The following PTPRQ variants were observed in gnomAD, a reference collection of about 807,000 sequenced individuals.
PTPRQ encodes the protein phosphatidylinositol phosphatase PTPRQ.
PTPRQ carries 199 observed loss-of-function variants against 246.0 expected under a neutral mutation model. The ratio of observed to expected loss-of-function variants is 0.81; its 90% CI spans 0.72 to 0.91. PTPRQ has a LOEUF of 0.91. Ranked by LOEUF, PTPRQ falls within the 40% of genes least tolerant of loss-of-function variation. The probability of loss-of-function intolerance (pLI) is 0.00; values close to 1 mark genes in which losing one functional copy is unlikely to be tolerated. For synonymous variants in PTPRQ, 869 were observed against 853.2 expected (o/e 1.02, Z -0.32); for missense variants, 2,624 against 2,528.4 (o/e 1.04, Z -0.81).
intron 25 of PTPRQ, among the ~76,000 whole-genome samples, chr12:80,557,808 A>C (rs566771584): frequency 3.9e-5 from 6 of 152,246 alleles, no homozygotes; most frequent in South Asian, 2.1e-4. Flanking sequence ...AAACCTTTCC[A>C]TCAGAATAAT....
intron 37 of PTPRQ, among the ~76,000 whole-genome samples, chr12:80,652,055 T>C (rs1900275871): frequency 6.6e-6 from 1 of 152,134 alleles, no homozygotes; most frequent in African/African-American, 2.4e-5. Context: ...AATGGAAAAC[T>C]ATAAATTTCA....
intron 25 of PTPRQ, among the ~76,000 whole-genome samples, chr12:80,579,723 G>A (rs1346606282): frequency 6.6e-6 from 1 of 151,960 alleles, no homozygotes; most frequent in African/African-American, 2.4e-5. Flanking sequence ...TTCCATTTTT[G>A]TATTGATCCA....
At chr12:80,508,489 G>A (rs1443027428) in intron 16 of PTPRQ, among the ~76,000 whole-genome samples, 1 of 151,776 alleles carries the variant, frequency 6.6e-6, no homozygotes, top group Non-Finnish European at 1.5e-5. Flanking sequence ...AAAGAGGGAG[G>A]GTGAGAAATA....
chr12:80,445,773 T>C (rs1190333843), intron 3 of PTPRQ, 56 bp downstream of exon 3: 1 of 1,255,270 alleles, frequency 8.0e-7, no homozygotes, highest in Non-Finnish European at 1.1e-6. Context: ...ATTTTAAAAG[T>C]GTGGGAGGTT....
intron 33 of PTPRQ, among the ~76,000 whole-genome samples, chr12:80,622,428 G>A (rs1200149853): frequency 6.6e-6 from 1 of 151,922 alleles, no homozygotes; most frequent in Non-Finnish European, 1.5e-5. Context: ...AAAGTCTGGA[G>A]CCATTTTTGG....
At chr12:80,473,919 G>C (rs577297887) in intron 8 of PTPRQ, among the ~76,000 whole-genome samples, 16 of 152,282 alleles carry the variant, frequency 1.1e-4, no homozygotes, top group Admixed American at 7.8e-4. Flanking sequence ...ATCACACCCT[G>C]GTGGGTCTTA....
intron 20 of PTPRQ, among the ~76,000 whole-genome samples, chr12:80,541,067 A>AG (rs1896136184): frequency 1.3e-5 from 2 of 152,118 alleles, no homozygotes; most frequent in Admixed American, 1.3e-4. Context: ...TTTTGAGACT[A>AG]GATCTTGGGA....
intron 4 of PTPRQ, among the ~76,000 whole-genome samples, 192 bp from the exon 5 acceptor site, chr12:80,459,092 G>T (rs1184807511): frequency 6.6e-6 from 1 of 152,042 alleles, no homozygotes; most frequent in African/African-American, 2.4e-5. Context: ...TTATCCTAAA[G>T]TAAAGTTGAC....
Position 80,619,478 on chromosome 12 carries a change from A to G in PTPRQ, c.5325A>G (p.Ile1775Met). Residue 1775 changes from isoleucine to methionine, a missense_variant, in exon 31 of 45, where the codon ATA (isoleucine) becomes ATG (methionine). Ile to Met is a conservative substitution (Grantham distance 10). Coordinates refer to ENST00000644991, the MANE Select transcript of PTPRQ (RefSeq NM_001145026.2). Reference protein sequence around the residue: ...TSTTITIRMPICYYSDDHGPI... With the variant: ...TSTTITIRMPMCYYSDDHGPI... ...CAACAATTACAATCAGAATGCCAAT[A>G]TGTTACTACAGTGATGATCATGGAC... 1.3e-6 allele frequency: 2 copies of G among 1,548,138 alleles called. No homozygotes were observed. The highest frequency in any genetic ancestry group is 2.7e-5 in the African/African-American group (2 of 72,866).
intron 33 of PTPRQ, among the ~76,000 whole-genome samples, chr12:80,628,027 A>T (rs560569586): frequency 1.2e-4 from 19 of 152,176 alleles, no homozygotes; most frequent in African/African-American, 2.2e-4. Context: ...TCTAAAAAAA[A>T]TTTTTTGTGT....
At position 80,566,574 on chromosome 12, in the gene PTPRQ, T is replaced by G. The variant is rs142950677; in HGVS notation, c.4285+16840T>G. ...ATTTTTTTGAGACAGGATCTCACTC[T>G]GTCACACAGGCTGGATATGCAGTGG... On this transcript the variant is annotated intron_variant, in intron 25 of 44. Coordinates refer to ENST00000644991, the MANE Select transcript of PTPRQ (RefSeq NM_001145026.2). Among the ~76,000 whole-genome samples, 195 of 152,314 alleles carry G rather than the reference T, an allele frequency of 1.3e-3. 1 individual carries two copies. Among genetic ancestry groups the G allele is most frequent in the African/African-American group, 4.5e-3 (185 of 41,572 alleles).
intron 33 of PTPRQ, among the ~76,000 whole-genome samples, chr12:80,631,838 T>C (rs78470127): frequency 0.066 from 10,046 of 152,240 alleles, 416 homozygotes; most frequent in East Asian, 0.13. Flanking sequence ...GACATATCAA[T>C]TTAACATTTT....
intron 33 of PTPRQ, among the ~76,000 whole-genome samples, chr12:80,626,425 A>G (rs1899203607): frequency 6.6e-6 from 1 of 152,204 alleles, no homozygotes; most frequent in African/African-American, 2.4e-5. Context: ...AATAAAATGG[A>G]TGAATAAATA....
intron 19 of PTPRQ, among the ~76,000 whole-genome samples, 162 bp downstream of exon 19, chr12:80,535,199 G>A (rs1475733871): frequency 7.0e-6 from 1 of 142,246 alleles, no homozygotes; most frequent in African/African-American, 2.7e-5. Context: ...GTGTAGAAAT[G>A]TCAGATACAT....
chr12:80,462,953 A>C (rs535708092), intron 6 of PTPRQ, among the ~76,000 whole-genome samples: 1 of 152,172 alleles, frequency 6.6e-6, no homozygotes, highest in East Asian at 1.9e-4. Flanking sequence ...TCTAAAAAGC[A>C]GAGCACCTCT....
At chr12:80,614,556 T>G (rs975755397) in intron 29 of PTPRQ, among the ~76,000 whole-genome samples, 1 of 150,924 alleles carries the variant, frequency 6.6e-6, no homozygotes, top group Non-Finnish European at 1.5e-5. Flanking sequence ...TATGTATATG[T>G]GTATAAAATG....
intron 32 of PTPRQ, among the ~76,000 whole-genome samples, chr12:80,621,371 A>G (rs1050320823): frequency 5.9e-5 from 9 of 151,904 alleles, no homozygotes; most frequent in African/African-American, 2.2e-4. Flanking sequence ...ATAAAATCAT[A>G]AGAATTTTAT....
chr12:80,524,752 C>T (rs746487286), intron 17 of PTPRQ, among the ~76,000 whole-genome samples: 20 of 152,030 alleles, frequency 1.3e-4, no homozygotes, highest in Admixed American at 3.9e-4. Context: ...ATATTATCCC[C>T]ATTTTATAGT....
intron 35 of PTPRQ, among the ~76,000 whole-genome samples, chr12:80,647,518 G>A (rs1336637546): frequency 6.6e-6 from 1 of 152,084 alleles, no homozygotes; most frequent in Non-Finnish European, 1.5e-5. Context: ...CTTTCTTGCT[G>A]GTCTTCGCTG....
Sources: gnomAD v4.1 joint callset for allele counts (sites outside exome capture counted in the v4.1 genomes callset) on GRCh38, gnomAD v4.1.1 for gene constraint, MANE v1.5 for transcripts, NCBI Gene and HGNC (gene_info 2026-07-23, HGNC 2026-07-21) for gene names.